Variants in RAP1GAP2 observed in about 807,000 individuals in gnomAD.
RAP1GAP2 encodes the protein rap1 GTPase-activating protein 2.
In RAP1GAP2, 27 loss-of-function variants were observed where a neutral mutation model predicts 95.0. The observed-to-expected ratio is 0.28, with a 90% CI of 0.21 to 0.39. The LOEUF is 0.39. Ranked by LOEUF, RAP1GAP2 falls within the 10% of genes least tolerant of loss-of-function variation. The pLI, the probability that RAP1GAP2 is intolerant of heterozygous loss-of-function variation, is 1.00. For synonymous variants in RAP1GAP2, 373 were observed against 380.9 expected (o/e 0.98, Z 0.24); for missense variants, 771 against 970.0 (o/e 0.79, Z 2.72).
chr17:3,017,423 AGT>A (rs2046805850), intron 17 of RAP1GAP2, among the ~76,000 whole-genome samples: 1 of 152,018 alleles, frequency 6.6e-6, no homozygotes, highest in Non-Finnish European at 1.5e-5. Flanking sequence ...AGCCCCTGCA[AGT>A]GGGAGGGGCG....
At chr17:2,824,325 T>C (rs1262974286) in intron 2 of RAP1GAP2, among the ~76,000 whole-genome samples, 1 of 150,854 alleles carries the variant, frequency 6.6e-6, no homozygotes. Flanking sequence ...CACACGCCTG[T>C]AATCTCAGCT....
At chr17:2,800,453 A>C (rs966145926) in intron 1 of RAP1GAP2, 62 bp from the exon 2 acceptor site, 10 of 1,558,830 alleles carry the variant, frequency 6.4e-6, no homozygotes, top group Non-Finnish European at 8.8e-6. Context: ...TCCTCCATAC[A>C]GATGCTATGT....
At chr17:2,914,280 A>G (rs185798975) in intron 3 of RAP1GAP2, among the ~76,000 whole-genome samples, 5 of 152,260 alleles carry the variant, frequency 3.3e-5, no homozygotes, top group African/African-American at 9.6e-5. Context: ...ATCCTCATCA[A>G]CATTTGCCAT....
At position 2,797,589 on chromosome 17, in the gene RAP1GAP2, C is replaced by A; in HGVS notation, c.44+1018C>A. 1 of 631,710 alleles carries A rather than the reference C, an allele frequency of 1.6e-6. No individual in the cohort carries two copies. The highest frequency in any genetic ancestry group is 2.0e-6 in the Non-Finnish European group (1 of 507,036). The allele number at this position is 631,710 out of a possible 1,614,324, so 39.1% of individuals were successfully genotyped here. A position where few individuals can be genotyped will look rare whatever the true frequency, so the allele number is the denominator to read the frequency against. Reference sequence around the variant, plus strand: ...GGCTGTGTTCCTCGGTAATTTTTCGCTTCCGTGTGTGTGGCTTATTTCCCT... The same window carrying A: ...GGCTGTGTTCCTCGGTAATTTTTCGATTCCGTGTGTGTGGCTTATTTCCCT... On this transcript the variant is annotated intron_variant, in intron 1 of 24. Coordinates refer to ENST00000254695, the MANE Select transcript of RAP1GAP2 (RefSeq NM_015085.5). The surrounding 1 kb of genome is among the most constrained non-coding windows in gnomAD (Gnocchi z 5.6).
At chr17:2,946,280 C>T (rs752352551) in intron 3 of RAP1GAP2, among the ~76,000 whole-genome samples, 1 of 152,098 alleles carries the variant, frequency 6.6e-6, no homozygotes, top group Non-Finnish European at 1.5e-5. Context: ...TAACGCTGGC[C>T]TCATAGGATG....
chr17:2,853,004 C>CG (rs2071937537), intron 2 of RAP1GAP2, among the ~76,000 whole-genome samples: 1 of 151,912 alleles, frequency 6.6e-6, no homozygotes, highest in South Asian at 2.1e-4. Context: ...GCGGGGAGGG[C>CG]GGAGTGGGGG....
At chr17:2,777,545 G>C (rs1296483551) in intron 1 of RAP1GAP2, among the ~76,000 whole-genome samples, 1 of 152,162 alleles carries the variant, frequency 6.6e-6, no homozygotes, top group African/African-American at 2.4e-5. Flanking sequence ...CAGGGCAGGC[G>C]TGTGTTCAGG....
intron 3 of RAP1GAP2, among the ~76,000 whole-genome samples, chr17:2,953,482 G>A (rs566629993): frequency 2.4e-4 from 36 of 152,252 alleles, no homozygotes; most frequent in African/African-American, 8.7e-4. Context: ...CTGTCTTTTT[G>A]AATGATTGTA....
At chr17:2,942,935 A>T (rs1402299073) in intron 3 of RAP1GAP2, among the ~76,000 whole-genome samples, 1 of 151,790 alleles carries the variant, frequency 6.6e-6, no homozygotes, top group Non-Finnish European at 1.5e-5. Context: ...CGCCTAGCTA[A>T]TTTTTGTATT....
At chr17:2,948,960 A>G (rs574053033) in intron 3 of RAP1GAP2, among the ~76,000 whole-genome samples, 5 of 152,332 alleles carry the variant, frequency 3.3e-5, no homozygotes, top group African/African-American at 1.2e-4. Flanking sequence ...AGATTTCCCA[A>G]GCCTAAATTA....
rs539832322 is a variant in RAP1GAP2, at chr17:2,954,163, A to G, written c.166-3596A>G. Among the ~76,000 whole-genome samples, 192 of 151,904 alleles carry G rather than the reference A, an allele frequency of 1.3e-3. 1 individual carries two copies. Among genetic ancestry groups the G allele is most frequent in the African/African-American group, 4.2e-3 (173 of 41,426 alleles). On this transcript the variant is annotated intron_variant, in intron 3 of 24. Coordinates refer to ENST00000254695, the MANE Select transcript of RAP1GAP2 (RefSeq NM_015085.5). ...TTTGTCATCCAGGCTGGAGTGCAGT[A>G]GCGCGATCTTGGCTCACTGCAGGCT...
chr17:2,813,579 G>A (rs1435101680), intron 2 of RAP1GAP2, among the ~76,000 whole-genome samples: 1 of 152,152 alleles, frequency 6.6e-6, no homozygotes, highest in Non-Finnish European at 1.5e-5. Context: ...TTTGTTTTAC[G>A]GTGCCATCCT....
At chr17:2,781,532 CTG>C (rs538442906) in intron 1 of RAP1GAP2, among the ~76,000 whole-genome samples, 2 of 151,946 alleles carry the variant, frequency 1.3e-5, no homozygotes, top group Non-Finnish European at 2.9e-5. Flanking sequence ...GAGCACGTCT[CTG>C]TGTGAGCACG....
Position 2,905,436 on chromosome 17 carries a change from C to T in RAP1GAP2, c.165+68C>T, listed in dbSNP as rs2042168961. The T allele has an allele frequency of 2.8e-5, 43 of 1,510,132 alleles. No homozygotes were observed. In the South Asian group the frequency reaches 4.8e-4, roughly 17 times the overall value. 93.5% of individuals were successfully genotyped at this position (1,510,132 alleles called of 1,614,324 possible). On this transcript the variant is annotated intron_variant, in intron 3 of 24. Coordinates refer to ENST00000254695, the MANE Select transcript of RAP1GAP2 (RefSeq NM_015085.5). ...GGGAAGTTGTGAGGCCTTGCTGTGG[C>T]TTTGGCTCCAGGCCCAGCAGCGTCC...
At chr17:2,816,372 C>G (rs2070026350) in intron 2 of RAP1GAP2, among the ~76,000 whole-genome samples, 1 of 151,988 alleles carries the variant, frequency 6.6e-6, no homozygotes, top group Admixed American at 6.6e-5. Context: ...GAGTCTCACT[C>G]TGTCGCCCAG....
At chr17:2,834,816 C>G (rs1448852691) in intron 2 of RAP1GAP2, among the ~76,000 whole-genome samples, 1 of 152,058 alleles carries the variant, frequency 6.6e-6, no homozygotes, top group Admixed American at 6.6e-5. Flanking sequence ...AAAGGACCAT[C>G]TCATCTGGTC....
intron 3 of RAP1GAP2, among the ~76,000 whole-genome samples, chr17:2,948,121 C>T (rs1234037753): frequency 4.6e-5 from 7 of 152,236 alleles, no homozygotes; most frequent in Non-Finnish European, 1.0e-4. Flanking sequence ...TCTGTACACG[C>T]TGGCCCGTGT....
rs573081298 is a variant in RAP1GAP2, at chr17:2,894,293, G to A, written c.81-10991G>A. 1.1e-3 allele frequency among the ~76,000 whole-genome samples: 169 copies of A among 152,298 alleles called. 2 individuals are homozygous for A. Among genetic ancestry groups the A allele is most frequent in the Middle Eastern group, 0.01 (3 of 294 alleles). Reference sequence around the variant, plus strand: ...AAAAATACAAAACTTAGCCAGGCATGGTGGTAGGCACCTGTAGTCCCAGCT... The same window carrying A: ...AAAAATACAAAACTTAGCCAGGCATAGTGGTAGGCACCTGTAGTCCCAGCT... On this transcript the variant is annotated intron_variant, in intron 2 of 24. Coordinates refer to ENST00000254695, the MANE Select transcript of RAP1GAP2 (RefSeq NM_015085.5).
chr17:2,808,683 A>C (rs945802031), intron 2 of RAP1GAP2, among the ~76,000 whole-genome samples: 2 of 152,196 alleles, frequency 1.3e-5, no homozygotes, highest in African/African-American at 4.8e-5. Context: ...ACCCACTGTT[A>C]GATACCCTCC....
Sources: gnomAD v4.1 joint callset for allele counts (sites outside exome capture counted in the v4.1 genomes callset) on GRCh38, gnomAD v4.1.1 for gene constraint, Gnocchi (gnomAD v3.1) non-coding constraint, MANE v1.5 for transcripts, NCBI Gene and HGNC (gene_info 2026-07-23, HGNC 2026-07-21) for gene names.